RCOR1: variants seen among roughly 807,000 people sequenced by gnomAD.
The protein encoded by RCOR1 is REST corepressor 1, also known as REST corepressor.
In RCOR1, 12 loss-of-function variants were observed where a neutral mutation model predicts 64.0. The ratio of observed to expected loss-of-function variants is 0.19; its 90% CI spans 0.12 to 0.30. The LOEUF (loss-of-function observed/expected upper bound fraction) is 0.30, where lower values mean the gene tolerates loss of function less well. Among genes scored for constraint, RCOR1 ranks in the 10% least tolerant of loss-of-function variants. The probability of loss-of-function intolerance (pLI) is 1.00; values close to 1 mark genes in which losing one functional copy is unlikely to be tolerated. For synonymous variants in RCOR1, 279 were observed against 227.2 expected (o/e 1.23, Z -2.05); for missense variants, 502 against 621.2 (o/e 0.81, Z 2.04).
intron 3 of RCOR1, among the ~76,000 whole-genome samples, chr14:102,687,440 A>G (rs1223808801): frequency 3.9e-5 from 6 of 152,208 alleles, no homozygotes; most frequent in Non-Finnish European, 8.8e-5. Context: ...TTAATACTAT[A>G]CTAGTTTTTT....
intron 2 of RCOR1, among the ~76,000 whole-genome samples, chr14:102,621,646 C>T (rs569871162): frequency 1.3e-5 from 2 of 152,150 alleles, no homozygotes; most frequent in African/African-American, 4.8e-5. Flanking sequence ...ATAAGCTCAA[C>T]AAGGGTAGGG....
intron 2 of RCOR1, among the ~76,000 whole-genome samples, chr14:102,667,609 A>G (rs904785448): frequency 1.3e-5 from 2 of 152,184 alleles, no homozygotes; most frequent in African/African-American, 4.8e-5. Context: ...TTAGCCTGCA[A>G]CCTTTAAGAC....
intron 2 of RCOR1, among the ~76,000 whole-genome samples, chr14:102,643,672 C>T (rs1894418967): frequency 1.3e-5 from 2 of 152,092 alleles, no homozygotes; most frequent in Non-Finnish European, 2.9e-5. Flanking sequence ...TCCAGCAGTC[C>T]AGGAATTAGA....
intron 2 of RCOR1, among the ~76,000 whole-genome samples, chr14:102,628,893 CTTTTT>C (rs569423625): frequency 7.2e-6 from 1 of 139,222 alleles, no homozygotes. Flanking sequence ...CCAACTTGCT[CTTTTT>C]TTTTTTTTTT....
At position 102,722,501 on chromosome 14, in the gene RCOR1, T is replaced by C. The variant is rs1425539868; in HGVS notation, c.1419+85T>C. On this transcript the variant is annotated intron_variant, in intron 11 of 11. Transcript: ENST00000262241. Reference sequence around the variant, plus strand: ...CTAAAGTGATGAATTTTTTCAGCTATAGAGATTTTTAGGTATCAGCTGTAT... The same window carrying C: ...CTAAAGTGATGAATTTTTTCAGCTACAGAGATTTTTAGGTATCAGCTGTAT... The C allele has an allele frequency of 3.7e-6, 4 of 1,083,142 alleles. No individual in the cohort carries two copies. The African/African-American group carries it at 6.3e-5, about 17-fold the overall frequency. The allele number at this position is 1,083,142 out of a possible 1,614,324, so 67.1% of individuals were successfully genotyped here. A position where few individuals can be genotyped will look rare whatever the true frequency, so the allele number is the denominator to read the frequency against.
At chr14:102,680,940 TTTCACTA>T (rs1895289308) in intron 2 of RCOR1, among the ~76,000 whole-genome samples, 1 of 152,228 alleles carries the variant, frequency 6.6e-6, no homozygotes, top group African/African-American at 2.4e-5. Flanking sequence ...TTTGGGTCCT[TTTCACTA>T]TTCTGTTACG....
intron 2 of RCOR1, chr14:102,657,080 C>T (rs916862699): frequency 1.0e-6 from 1 of 984,172 alleles, no homozygotes; most frequent in African/African-American, 1.8e-5. Flanking sequence ...TGGCTAGAAA[C>T]ATCTTCTAAA....
chr14:102,715,495 TCTCAGCCTCCCAA>T (rs1896052943), intron 8 of RCOR1, among the ~76,000 whole-genome samples: 1 of 151,138 alleles, frequency 6.6e-6, no homozygotes, highest in Non-Finnish European at 1.5e-5. Context: ...GATCCTCCCA[TCTCAGCCTCCCAA>T]GTAGTTGGGA....
intron 2 of RCOR1, among the ~76,000 whole-genome samples, chr14:102,664,930 G>C (rs1197666808): frequency 6.6e-6 from 1 of 152,180 alleles, no homozygotes; most frequent in African/African-American, 2.4e-5. Flanking sequence ...ACACTCAGTA[G>C]AAACTGTATT....
At chr14:102,706,800 T>G (rs1416881535) in intron 4 of RCOR1, among the ~76,000 whole-genome samples, 1 of 151,844 alleles carries the variant, frequency 6.6e-6, no homozygotes, top group Non-Finnish European at 1.5e-5. Flanking sequence ...CCAGCCTGGG[T>G]GACAGATCCA....
chr14:102,702,380 A>G (rs1213210227), intron 4 of RCOR1, among the ~76,000 whole-genome samples: 1 of 151,960 alleles, frequency 6.6e-6, no homozygotes, highest in African/African-American at 2.4e-5. Flanking sequence ...AAAAATTACC[A>G]TTAGCAAAGT....
chr14:102,728,845 C>A lies in RCOR1; in HGVS notation c.*2339C>A, dbSNP rs1486080378. On this transcript the variant is annotated 3_prime_UTR_variant, in exon 12 of 12. Transcript: ENST00000262241. ...GAGGGAAAATGGGAGCTGTCCTTGA[C>A]TGCCTTTGTTGTGCTTTCCCGCGTA... The A allele has an allele frequency of 6.6e-6, 1 of 152,164 alleles. No individual in the cohort carries two copies. Among genetic ancestry groups the A allele is most frequent in the East Asian group, 1.9e-4 (1 of 5,198 alleles). The allele number at this position is 152,164 out of a possible 1,614,324, so 9.4% of individuals were successfully genotyped here. A position where few individuals can be genotyped will look rare whatever the true frequency, so the allele number is the denominator to read the frequency against.
At chr14:102,625,396 C>T (rs1250783664) in intron 2 of RCOR1, among the ~76,000 whole-genome samples, 3 of 151,510 alleles carry the variant, frequency 2.0e-5, no homozygotes, top group South Asian at 4.2e-4. Flanking sequence ...CTACTATGCC[C>T]GGCTAATTTT....
intron 3 of RCOR1, among the ~76,000 whole-genome samples, chr14:102,699,330 C>A (rs1350878575): frequency 6.6e-6 from 1 of 152,094 alleles, no homozygotes; most frequent in African/African-American, 2.4e-5. Flanking sequence ...AATATTAAAT[C>A]GGAAATTAGT....
intron 2 of RCOR1, among the ~76,000 whole-genome samples, chr14:102,605,763 A>G (rs892753670): frequency 3.3e-5 from 5 of 152,098 alleles, no homozygotes; most frequent in African/African-American, 1.2e-4. Flanking sequence ...GTCCTTCAGG[A>G]GGTATTCCAG....
At chr14:102,605,747 A>G (rs553784665) in intron 2 of RCOR1, among the ~76,000 whole-genome samples, 3 of 152,274 alleles carry the variant, frequency 2.0e-5, no homozygotes, top group Admixed American at 2.0e-4. Flanking sequence ...AAACAGCCTC[A>G]GGCAGGTCCT....
chr14:102,609,606 A>AT (rs907679636), intron 2 of RCOR1, among the ~76,000 whole-genome samples: 64 of 147,690 alleles, frequency 4.3e-4, no homozygotes, highest in East Asian at 6.1e-4. Flanking sequence ...AGTGTGGCTA[A>AT]TTTTTTTTTT....
intron 2 of RCOR1, among the ~76,000 whole-genome samples, chr14:102,650,348 A>G (rs1894560500): frequency 7.5e-6 from 1 of 132,468 alleles, no homozygotes; most frequent in Non-Finnish European, 1.6e-5. Context: ...CCTGAGGGAC[A>G]GAGCACAGAG....
intron 2 of RCOR1, among the ~76,000 whole-genome samples, chr14:102,595,177 A>G (rs1312310290): frequency 6.6e-6 from 1 of 152,262 alleles, no homozygotes; most frequent in African/African-American, 2.4e-5. Context: ...AGATATGAGC[A>G]TAAACTTGCT....
Sources: allele counts gnomAD v4.1 joint callset (sites outside exome capture counted in the v4.1 genomes callset), GRCh38; gene constraint gnomAD v4.1.1; transcripts MANE v1.5; gene names NCBI Gene and HGNC (gene_info 2026-07-23, HGNC 2026-07-21).